P2RY6: variants seen among roughly 807,000 people sequenced by gnomAD.
The protein encoded by P2RY6 is P2Y purinoceptor 6.
A neutral mutation model predicts 16.3 loss-of-function variants in P2RY6; 19 were observed. The observed-to-expected ratio is 1.16, with a 90% CI of 0.81 to 1.71. The LOEUF (loss-of-function observed/expected upper bound fraction) is 1.71, where lower values mean the gene tolerates loss of function less well. P2RY6 is among the 40% of genes most tolerant of loss of function. The pLI is 0.00. For missense variants in P2RY6, 389 were observed against 455.5 expected (o/e 0.85, Z 1.33); for synonymous variants, 184 against 201.5 (o/e 0.91, Z 0.74).
chr11:73,275,089 G>T (rs949881546), intron 1 of P2RY6, among the ~76,000 whole-genome samples: 7 of 152,226 alleles, frequency 4.6e-5, no homozygotes, highest in African/African-American at 1.7e-4. Flanking sequence ...TACGGAGATG[G>T]CGTAGGCTGG....
chr11:73,280,920 C>T (rs1015510538), intron 1 of P2RY6, among the ~76,000 whole-genome samples: 5 of 152,126 alleles, frequency 3.3e-5, no homozygotes, highest in African/African-American at 4.8e-5. Flanking sequence ...CAGACTTTTG[C>T]TGAGCCAGGG....
At chr11:73,269,546 T>C (rs1339919083), upstream of P2RY6, among the ~76,000 whole-genome samples, 3 of 152,102 alleles carry the variant, frequency 2.0e-5, no homozygotes, top group African/African-American at 7.2e-5. Flanking sequence ...AGCATGTGTG[T>C]GGAGCACATG....
At chr11:73,274,086 C>T (rs955907718) in intron 1 of P2RY6, among the ~76,000 whole-genome samples, 2 of 152,194 alleles carry the variant, frequency 1.3e-5, no homozygotes, top group African/African-American at 4.8e-5. Context: ...GCCACTGACT[C>T]TTTATAACAT....
In P2RY6 at chr11:73,277,173, G is replaced by A. The variant is rs1283730809; in HGVS notation, c.-121+4707G>A. Among the ~76,000 whole-genome samples the A allele has an allele frequency of 2.0e-5, 3 of 151,828 alleles. No individual in the cohort carries two copies. In the East Asian group the frequency reaches 5.8e-4, roughly 29 times the overall value. ...CTGTCGCCCAGGCTGAAGTGCAGTGGCACAATCTCAGCTCACTGCAACCTC... is the reference window on the plus strand; with the variant it reads ...CTGTCGCCCAGGCTGAAGTGCAGTGACACAATCTCAGCTCACTGCAACCTC... On this transcript the variant is annotated intron_variant, in intron 1 of 2. Transcript: ENST00000540124.
At chr11:73,296,454 G>A (rs1864485244) in intron 2 of P2RY6, 31 bp from the exon 3 acceptor site, 2 of 1,573,364 alleles carry the variant, frequency 1.3e-6, no homozygotes, top group Admixed American at 1.7e-5. Context: ...GAGTGAGCAT[G>A]TCACTGACAG....
intron 1 of P2RY6, chr11:73,292,967 G>A (rs544066598): frequency 5.2e-5 from 30 of 576,574 alleles, no homozygotes; most frequent in South Asian, 1.5e-4. Flanking sequence ...CAGGGGTTGC[G>A]GGGGGTGGGG....
chr11:73,296,856 G>T lies in P2RY6; in HGVS notation c.338G>T (p.Ser113Ile). Residue 113 changes from serine (S) to isoleucine (I), a missense_variant, in exon 3 of 3, where the codon AGC (serine) becomes ATC (isoleucine). Ser to Ile is a moderately radical substitution (Grantham distance 142). Transcript: ENST00000540124. Reference protein sequence around the residue: ...RFLFYANLHGSILFLTCISFQ... With the variant: ...RFLFYANLHGIILFLTCISFQ... Reference sequence around the variant, plus strand: ...CTCTTCTATGCCAACCTGCACGGCAGCATCCTCTTCCTCACCTGCATCAGC... The same window carrying T: ...CTCTTCTATGCCAACCTGCACGGCATCATCCTCTTCCTCACCTGCATCAGC... 1 of 1,610,654 alleles carries T rather than the reference G, an allele frequency of 6.2e-7. No homozygotes were observed. The highest frequency in any genetic ancestry group is 8.5e-7 in the Non-Finnish European group (1 of 1,180,028).
chr11:73,271,996 G>A (rs770225952), upstream of P2RY6: 1 of 152,198 alleles, frequency 6.6e-6, no homozygotes. Context: ...CTCCAGAGAA[G>A]CCAGGAGAGG....
At chr11:73,279,574 A>T (rs973857064) in intron 1 of P2RY6, among the ~76,000 whole-genome samples, 3 of 152,228 alleles carry the variant, frequency 2.0e-5, no homozygotes, top group Non-Finnish European at 2.9e-5. Context: ...GGATGCCATG[A>T]ACATCTCTCT....
chr11:73,290,363 G>GAAAGA (rs762206643), intron 1 of P2RY6, among the ~76,000 whole-genome samples: 11 of 103,788 alleles, frequency 1.1e-4, no homozygotes, highest in African/African-American at 3.6e-4. Flanking sequence ...AAGAAAGAAA[G>GAAAGA]AAGGAAAGAA....
At chr11:73,273,000 G>C (rs938477053) in intron 1 of P2RY6, among the ~76,000 whole-genome samples, 4 of 151,664 alleles carry the variant, frequency 2.6e-5, no homozygotes, top group African/African-American at 9.7e-5. Flanking sequence ...TCAAATAATT[G>C]TCCACAGAGG....
At chr11:73,269,605 C>T (rs538980149), upstream of P2RY6, among the ~76,000 whole-genome samples, 6 of 152,298 alleles carry the variant, frequency 3.9e-5, no homozygotes, top group East Asian at 9.7e-4. Context: ...TGTACACACT[C>T]CAGAGCCACT....
chr11:73,273,588 T>C (rs906106429), intron 1 of P2RY6, among the ~76,000 whole-genome samples: 10 of 152,182 alleles, frequency 6.6e-5, no homozygotes, highest in Non-Finnish European at 1.3e-4. Context: ...TTTGTCAGTT[T>C]ATCAGAAAGG....
chr11:73,292,446 G>A (rs541567970), intron 1 of P2RY6, among the ~76,000 whole-genome samples: 12 of 152,314 alleles, frequency 7.9e-5, no homozygotes, highest in South Asian at 2.1e-4. Context: ...TGGACACCCC[G>A]TGGCTCTGAG....
At chr11:73,292,505 C>T (rs1309732329) in intron 1 of P2RY6, among the ~76,000 whole-genome samples, 2 of 152,222 alleles carry the variant, frequency 1.3e-5, no homozygotes, top group African/African-American at 4.8e-5. Context: ...CTGCCCTACC[C>T]ATTTGACAAC....
At chr11:73,285,841 G>A (rs1863950684) in intron 1 of P2RY6, among the ~76,000 whole-genome samples, 1 of 152,232 alleles carries the variant, frequency 6.6e-6, no homozygotes, top group Non-Finnish European at 1.5e-5. Context: ...TGCCTGGTGA[G>A]AATGAAGACC....
At position 73,296,800 on chromosome 11, in the gene P2RY6, T is replaced by C; in HGVS notation, c.282T>C (p.Phe94=). 1 of 1,611,244 alleles carries C rather than the reference T, an allele frequency of 6.2e-7. No homozygotes were observed. Among genetic ancestry groups the C allele is most frequent in the Non-Finnish European group, 8.5e-7 (1 of 1,180,022 alleles). ...ATGCCCAAGGTGATCACTGGCCCTT[T>C]GGCGACTTCGCCTGCCGCCTGGTCC... ...YNYAQGDHWP[F]GDFACRLVRF... Residue 94 remains phenylalanine (F), a synonymous_variant, in exon 3 of 3, where the codon TTT becomes TTC. Coordinates refer to ENST00000540124, the MANE Select transcript of P2RY6 (RefSeq NM_001277204.2).
chr11:73,293,538 G>A (rs1170140560), intron 1 of P2RY6, among the ~76,000 whole-genome samples: 1 of 152,186 alleles, frequency 6.6e-6, no homozygotes, highest in Non-Finnish European at 1.5e-5. Context: ...CAGCGCCAAG[G>A]TCAGCTGCTG....
Position 73,297,572 on chromosome 11 carries a change from C to G in P2RY6, c.*67C>G. 8.0e-7 allele frequency: 1 copy of G among 1,256,540 alleles called. No homozygotes were observed. The highest frequency in any genetic ancestry group is 1.1e-6 in the Non-Finnish European group (1 of 886,154). The allele number at this position is 1,256,540 out of a possible 1,614,324, so 77.8% of individuals were successfully genotyped here. ...CCGGGGCACCAGGAGCCCCACCAACCCCAAACCATGCGGAGAATTAGAGTT... is the reference window on the plus strand; with the variant it reads ...CCGGGGCACCAGGAGCCCCACCAACGCCAAACCATGCGGAGAATTAGAGTT... On this transcript the variant is annotated 3_prime_UTR_variant, in exon 3 of 3. Coordinates refer to ENST00000540124, the MANE Select transcript of P2RY6 (RefSeq NM_001277204.2).
Sources: allele counts gnomAD v4.1 joint callset (sites outside exome capture counted in the v4.1 genomes callset), GRCh38; gene constraint gnomAD v4.1.1; transcripts MANE v1.5; gene names NCBI Gene and HGNC (gene_info 2026-07-23, HGNC 2026-07-21).